Variants in LRBA observed in about 807,000 individuals in gnomAD.
LRBA encodes lipopolysaccharide-responsive and beige-like anchor protein.
LRBA carries 176 observed loss-of-function variants against 330.0 expected under a neutral mutation model. The ratio of observed to expected loss-of-function variants is 0.53; its 90% CI spans 0.47 to 0.60. The LOEUF is 0.60. LRBA is among the 20% of genes least tolerant of loss of function. LRBA has a pLI of 0.00. For synonymous variants in LRBA, 1,230 were observed against 1,193.0 expected, an observed-to-expected ratio of 1.03 and a Z score of -0.64; for missense variants, 3,259 against 3,444.8, an observed-to-expected ratio of 0.95 and a Z score of 1.35.
rs557418877 is a variant in LRBA, at chr4:150,448,929, T to G, written c.6781-12065A>C. Among the ~76,000 whole-genome samples the G allele has an allele frequency of 2.6e-5, 4 of 151,680 alleles. No homozygotes were observed. The East Asian group carries it at 7.8e-4, about 29-fold the overall frequency. On this transcript the variant is annotated intron_variant, in intron 44 of 56. Transcript: ENST00000651943. ...ATGTAGAAACACACGGGAGTTTGCA[T>G]GCACTTGTAAGCTCTTTTCCACGGG...
At chr4:150,394,556 G>A (rs1350466654) in intron 47 of LRBA, among the ~76,000 whole-genome samples, 2 of 152,074 alleles carry the variant, frequency 1.3e-5, no homozygotes, top group Admixed American at 6.6e-5. Flanking sequence ...AGAGTAAAGG[G>A]TTAAAAGAGA....
At chr4:150,469,517 C>A (rs935473867) in intron 43 of LRBA, among the ~76,000 whole-genome samples, 7 of 152,144 alleles carry the variant, frequency 4.6e-5, no homozygotes, top group African/African-American at 1.4e-4. Context: ...CAAAATATGT[C>A]CATTAAACTT....
intron 56 of LRBA, among the ~76,000 whole-genome samples, chr4:150,269,549 C>T (rs1426128616): frequency 6.6e-6 from 1 of 152,092 alleles, no homozygotes; most frequent in Non-Finnish European, 1.5e-5. Context: ...ATGGGAAAAC[C>T]TTCATGACCT....
At chr4:150,639,623 CAAG>C (rs948307766) in intron 37 of LRBA, among the ~76,000 whole-genome samples, 6 of 139,246 alleles carry the variant, frequency 4.3e-5, no homozygotes, top group African/African-American at 1.1e-4. Flanking sequence ...AGACATTCCA[CAAG>C]AAGAATAGTT....
intron 35 of LRBA, among the ~76,000 whole-genome samples, chr4:150,743,455 C>T (rs1356937606): frequency 2.6e-5 from 4 of 152,032 alleles, no homozygotes; most frequent in African/African-American, 7.2e-5. Context: ...CCACAATATA[C>T]ATTAAGAGGA....
At chr4:150,450,792 T>G in intron 44 of LRBA, among the ~76,000 whole-genome samples, 1 of 152,164 alleles carries the variant, frequency 6.6e-6, no homozygotes, top group Non-Finnish European at 1.5e-5. Flanking sequence ...CCTAGCACTT[T>G]GGGAGGCCAA....
At chr4:150,494,405 TG>T (rs1321861578) in intron 40 of LRBA, among the ~76,000 whole-genome samples, 3 of 152,234 alleles carry the variant, frequency 2.0e-5, no homozygotes, top group African/African-American at 7.2e-5. Context: ...TTCTACCTTT[TG>T]TATCTATAGA....
chr4:150,440,862 T>C (rs1005200917), intron 44 of LRBA, among the ~76,000 whole-genome samples: 1 of 152,062 alleles, frequency 6.6e-6, no homozygotes, highest in Non-Finnish European at 1.5e-5. Flanking sequence ...CAAAAATCAC[T>C]GTATTTAGGA....
At chr4:150,806,531 G>T in intron 32 of LRBA, 127 bp from the exon 33 acceptor site, 1 of 452,956 alleles carries the variant, frequency 2.2e-6, no homozygotes, top group Non-Finnish European at 3.4e-6. Context: ...CACCTAAAGA[G>T]ACATTACTGC....
At chr4:150,569,024 G>C (rs1386739298) in intron 40 of LRBA, among the ~76,000 whole-genome samples, 2 of 152,156 alleles carry the variant, frequency 1.3e-5, no homozygotes, top group African/African-American at 4.8e-5. Flanking sequence ...TTCTTCATCA[G>C]CAAAATGGTG....
chr4:150,436,924 C>T, intron 44 of LRBA, 60 bp from the exon 45 acceptor site: 1 of 1,468,984 alleles, frequency 6.8e-7, no homozygotes, highest in Non-Finnish European at 9.5e-7. Context: ...TCATGTCTTC[C>T]TCTCTTCTGA....
chr4:150,964,841 A>T lies in LRBA; in HGVS notation c.217-35776T>A, dbSNP rs191261871. ...CAATAAATACTAAAATAAAAAAATT[A>T]AAAAAAATGAATTTAAAAATGAGCA... On this transcript the variant is annotated intron_variant, in intron 2 of 56. Transcript: ENST00000651943. Among the ~76,000 whole-genome samples, 437 of 152,250 alleles carry T rather than the reference A, an allele frequency of 2.9e-3. 1 individual carries two copies. The highest frequency in any genetic ancestry group is 3.3e-3 in the Non-Finnish European group (227 of 68,002).
chr4:150,368,668 T>C (rs1018084812), intron 47 of LRBA, among the ~76,000 whole-genome samples: 9 of 152,224 alleles, frequency 5.9e-5, no homozygotes, highest in Non-Finnish European at 8.8e-5. Flanking sequence ...TGGATGTTTA[T>C]ATTTCACTTA....
rs937068405 is a variant in LRBA, at chr4:150,478,902, T to A, written c.6552-7163A>T. Among the ~76,000 whole-genome samples, 5 of 152,188 alleles carry A rather than the reference T, an allele frequency of 3.3e-5. No homozygotes were observed. The East Asian group carries it at 7.7e-4, about 23-fold the overall frequency. ...TTAGTTTACATATTTGTTTTAAAAA[T>A]GTATGGGTAAAATGGTTTCTATCTT... On this transcript the variant is annotated intron_variant, in intron 42 of 56. Coordinates refer to ENST00000651943, the MANE Select transcript of LRBA (RefSeq NM_001364905.1).
chr4:150,519,943 A>G (rs894713215), intron 40 of LRBA, among the ~76,000 whole-genome samples: 3 of 152,190 alleles, frequency 2.0e-5, no homozygotes, highest in Admixed American at 1.3e-4. Context: ...AATTGTGCTG[A>G]ACATTTTTTC....
chr4:150,912,664 G>A (rs1474133035), intron 9 of LRBA, among the ~76,000 whole-genome samples: 1 of 152,142 alleles, frequency 6.6e-6, no homozygotes, highest in East Asian at 1.9e-4. Flanking sequence ...ACTGGTCCCT[G>A]GGACCAAAAA....
intron 35 of LRBA, among the ~76,000 whole-genome samples, chr4:150,741,355 C>T (rs1431215171): frequency 6.6e-6 from 1 of 152,050 alleles, no homozygotes; most frequent in East Asian, 1.9e-4. Context: ...GAAAAGTACA[C>T]AAGCACTTCA....
chr4:150,597,776 T>G (rs1206229493), intron 38 of LRBA, among the ~76,000 whole-genome samples: 1 of 152,026 alleles, frequency 6.6e-6, no homozygotes, highest in Non-Finnish European at 1.5e-5. Context: ...AAAAACTATA[T>G]GTACTCTAAA....
intron 47 of LRBA, among the ~76,000 whole-genome samples, chr4:150,352,494 T>A (rs1737312686): frequency 6.6e-6 from 1 of 152,190 alleles, no homozygotes; most frequent in African/African-American, 2.4e-5. Flanking sequence ...TTAAAAATAC[T>A]TAGCTAGGTT....
Sources: allele counts gnomAD v4.1 joint callset (sites outside exome capture counted in the v4.1 genomes callset), GRCh38; gene constraint gnomAD v4.1.1; transcripts MANE v1.5; gene names NCBI Gene and HGNC (gene_info 2026-07-23, HGNC 2026-07-21).